Variants in RUSC2 observed in about 807,000 individuals in gnomAD.
RUSC2 encodes the protein RUN and SH3 domain containing 2, also known as AP-4 complex accessory subunit RUSC2.
A neutral mutation model predicts 122.2 loss-of-function variants in RUSC2; 34 were observed. The observed-to-expected ratio is 0.28, with a 90% CI of 0.21 to 0.37. The LOEUF (loss-of-function observed/expected upper bound fraction) is 0.37, where lower values mean the gene tolerates loss of function less well. Ranked by LOEUF, RUSC2 falls within the 10% of genes least tolerant of loss-of-function variation. The pLI, the probability that RUSC2 is intolerant of heterozygous loss-of-function variation, is 1.00. For missense variants in RUSC2, 1,747 were observed against 1,952.4 expected (o/e 0.89, Z 1.98); for synonymous variants, 784 against 790.0 (o/e 0.99, Z 0.13).
Position 35,561,192 on chromosome 9 carries a change from C to T in RUSC2, c.4361C>T (p.Ala1454Val). Reference sequence around the variant, plus strand: ...TGCTGTTTCCCCAGTGAGGTGCAGGCACTGTGCCACCACCTGGCCACCGGC... The same window carrying T: ...TGCTGTTTCCCCAGTGAGGTGCAGGTACTGTGCCACCACCTGGCCACCGGC... ...LPSSPPCEVQ[A>V]LCHHLATGPG... The change falls in exon 12 of 12, where the codon GCA becomes GTA. Residue 1454 changes from alanine to valine, a missense_variant. By Grantham distance (64) the Ala-to-Val change is moderately conservative. Transcript: ENST00000361226. The T allele has an allele frequency of 6.2e-7, 1 of 1,614,068 alleles. No individual in the cohort carries two copies. The highest frequency in any genetic ancestry group is 8.5e-7 in the Non-Finnish European group (1 of 1,179,990).
chr9:35,560,332 G>A lies in RUSC2; in HGVS notation c.3692G>A (p.Gly1231Asp), dbSNP rs1029965709. The change falls in exon 10 of 12, where the codon GGT becomes GAT. Residue 1231 changes from glycine to aspartate, a missense_variant. Gly to Asp is a moderately conservative substitution (Grantham distance 94). Coordinates refer to ENST00000361226, the MANE Select transcript of RUSC2 (RefSeq NM_014806.5). Reference protein sequence around the residue: ...DRAAQGERVKGVGASEGGEEE... With the variant: ...DRAAQGERVKDVGASEGGEEE... Reference sequence around the variant, plus strand: ...GCAGCCCAAGGGGAGCGGGTGAAGGGTGTGGGTGCCTCAGAAGGTGGAGAA... The same window carrying A: ...GCAGCCCAAGGGGAGCGGGTGAAGGATGTGGGTGCCTCAGAAGGTGGAGAA... 2.5e-6 allele frequency: 4 copies of A among 1,609,696 alleles called. No individual in the cohort carries two copies. The highest frequency in any genetic ancestry group is 2.5e-6 in the Non-Finnish European group (3 of 1,177,796).
chr9:35,515,869 C>T (rs781240998), intron 1 of RUSC2, among the ~76,000 whole-genome samples: 6 of 151,158 alleles, frequency 4.0e-5, no homozygotes, highest in Admixed American at 6.6e-5. Context: ...CATGGTGGCG[C>T]GCACCTCTAA....
intron 1 of RUSC2, among the ~76,000 whole-genome samples, chr9:35,534,587 C>T (rs1272761418): frequency 2.6e-5 from 4 of 152,146 alleles, no homozygotes; most frequent in African/African-American, 7.2e-5. Flanking sequence ...GTTCAAGCAC[C>T]TCTTGTGCCT....
chr9:35,550,798 G>A (rs1444031485), intron 2 of RUSC2, among the ~76,000 whole-genome samples: 1 of 152,018 alleles, frequency 6.6e-6, no homozygotes, highest in African/African-American at 2.4e-5. Context: ...AGGAGAGGCC[G>A]GGCATGGTGG....
intron 2 of RUSC2, among the ~76,000 whole-genome samples, chr9:35,550,954 A>G (rs1818626817): frequency 6.6e-6 from 1 of 151,880 alleles, no homozygotes; most frequent in African/African-American, 2.4e-5. Context: ...CTGTAGTTCC[A>G]GCTACATGGG....
intron 5 of RUSC2, among the ~76,000 whole-genome samples, chr9:35,556,701 C>T (rs1297035741): frequency 6.6e-6 from 1 of 152,122 alleles, no homozygotes; most frequent in Non-Finnish European, 1.5e-5. Context: ...GTGGTGGGCG[C>T]GTGTAATCCC....
intron 1 of RUSC2, among the ~76,000 whole-genome samples, chr9:35,520,862 T>C (rs1248994888): frequency 6.6e-6 from 1 of 152,196 alleles, no homozygotes; most frequent in Non-Finnish European, 1.5e-5. Flanking sequence ...ACACCTAGCA[T>C]TGAGAGACTT....
intron 1 of RUSC2, among the ~76,000 whole-genome samples, chr9:35,544,331 CAG>C (rs1491283626): frequency 1.1e-4 from 11 of 96,422 alleles, no homozygotes; most frequent in African/African-American, 4.4e-4. Flanking sequence ...TTTTTTGAGA[CAG>C]AGTCTCACTC....
intron 9 of RUSC2, among the ~76,000 whole-genome samples, 200 bp downstream of exon 9, chr9:35,559,472 T>G (rs1822094309): frequency 6.6e-6 from 1 of 152,132 alleles, no homozygotes. Flanking sequence ...TGGTGGCTCA[T>G]GCCTGTAATC....
At chr9:35,531,661 G>C (rs961067720) in intron 1 of RUSC2, among the ~76,000 whole-genome samples, 12 of 152,226 alleles carry the variant, frequency 7.9e-5, no homozygotes, top group Non-Finnish European at 2.9e-5. Flanking sequence ...TTAGCTTAGA[G>C]AGTGGTTATA....
intron 1 of RUSC2, among the ~76,000 whole-genome samples, chr9:35,534,458 A>ACACACAC (rs57220039): frequency 1.4e-5 from 2 of 143,432 alleles, no homozygotes; most frequent in Non-Finnish European, 3.1e-5. Flanking sequence ...ACACACACAC[A>ACACACAC]ATCCTTTGCT....
chr9:35,555,905 T>C lies in RUSC2; in HGVS notation c.2657-47T>C, dbSNP rs1406575236. 2 of 1,592,626 alleles carry C rather than the reference T, an allele frequency of 1.3e-6. No individual in the cohort carries two copies. Among genetic ancestry groups the C allele is most frequent in the East Asian group, 2.2e-5 (1 of 44,534 alleles). Reference sequence around the variant, plus strand: ...GGGTGGATGTGAAACTCTGTCTCGCTGTCTCCTGCCAACTCTTGTCTTTCT... The same window carrying C: ...GGGTGGATGTGAAACTCTGTCTCGCCGTCTCCTGCCAACTCTTGTCTTTCT... On this transcript the variant is annotated intron_variant, in intron 3 of 11. Coordinates refer to ENST00000361226, the MANE Select transcript of RUSC2 (RefSeq NM_014806.5). The surrounding 1 kb of genome is among the most constrained non-coding windows in gnomAD (Gnocchi z 4.6).
chr9:35,556,720 G>A (rs565740765), intron 5 of RUSC2, among the ~76,000 whole-genome samples: 1 of 152,204 alleles, frequency 6.6e-6, no homozygotes, highest in African/African-American at 2.4e-5. Flanking sequence ...CCAGCTACTC[G>A]GGAGGCTGAG....
chr9:35,557,249 T>C lies in RUSC2; in HGVS notation c.2984-665T>C, dbSNP rs1822042331. 6.6e-6 allele frequency among the ~76,000 whole-genome samples: 1 copy of C among 152,116 alleles called. No individual in the cohort carries two copies. The highest frequency in any genetic ancestry group is 1.5e-5 in the Non-Finnish European group (1 of 68,026). ...CCTGTGAAGAGAGAGCTGAAGTTCC[T>C]TGCAAAGGCAGAAGGGGAGAATCAG... is the stretch of plus-strand genomic sequence containing the variant. On this transcript the variant is annotated intron_variant, in intron 5 of 11. Coordinates refer to ENST00000361226, the MANE Select transcript of RUSC2 (RefSeq NM_014806.5). This position sits in a 1 kb window ranked among gnomAD's most constrained non-coding sequence, Gnocchi z 4.6.
intron 1 of RUSC2, among the ~76,000 whole-genome samples, chr9:35,512,287 T>A (rs930441429): frequency 2.6e-5 from 4 of 152,210 alleles, no homozygotes; most frequent in Non-Finnish European, 5.9e-5. Flanking sequence ...TTCATCTAAT[T>A]TTTTGTTTTT....
chr9:35,532,342 A>G (rs947384974), intron 1 of RUSC2, among the ~76,000 whole-genome samples: 8 of 152,242 alleles, frequency 5.3e-5, no homozygotes, highest in Non-Finnish European at 1.2e-4. Flanking sequence ...AAAAGTCTTC[A>G]GATCTGAACC....
intron 1 of RUSC2, among the ~76,000 whole-genome samples, chr9:35,537,390 G>A (rs530807604): frequency 1.2e-4 from 18 of 152,346 alleles, no homozygotes; most frequent in Non-Finnish European, 2.5e-4. Flanking sequence ...GGAAAGCATA[G>A]TGACACCATT....
intron 1 of RUSC2, among the ~76,000 whole-genome samples, chr9:35,536,704 C>T (rs181257581): frequency 6.7e-6 from 1 of 150,242 alleles, no homozygotes; most frequent in East Asian, 2.0e-4. Context: ...ATCCCAGCTA[C>T]TCGGGAGGCT....
At chr9:35,536,082 A>C (rs1821521347) in intron 1 of RUSC2, among the ~76,000 whole-genome samples, 2 of 152,262 alleles carry the variant, frequency 1.3e-5, no homozygotes, top group African/African-American at 4.8e-5. Flanking sequence ...GATTTACTTA[A>C]TCAAAACTTC....
Sources: allele counts gnomAD v4.1 joint callset (sites outside exome capture counted in the v4.1 genomes callset), GRCh38; gene constraint gnomAD v4.1.1; non-coding constraint Gnocchi (gnomAD v3.1); transcripts MANE v1.5; gene names NCBI Gene and HGNC (gene_info 2026-07-23, HGNC 2026-07-21).